Variants in RPN1 observed in about 807,000 individuals in gnomAD.
RPN1 encodes the protein dolichyl-diphosphooligosaccharide--protein glycosyltransferase subunit 1.
In RPN1, 12 loss-of-function variants were observed where a neutral mutation model predicts 55.5. The observed-to-expected ratio is 0.22, with a 90% CI of 0.14 to 0.35. The LOEUF is 0.35. RPN1 is among the 10% of genes least tolerant of loss of function. The pLI, the probability that RPN1 is intolerant of heterozygous loss-of-function variation, is 1.00. For missense variants in RPN1, 679 were observed against 761.3 expected, an observed-to-expected ratio of 0.89 and a Z score of 1.27; for synonymous variants, 317 against 305.9, an observed-to-expected ratio of 1.04 and a Z score of -0.38.
chr3:128,635,648 T>TATATATATATATATAG (rs2069674422), intron 3 of RPN1, among the ~76,000 whole-genome samples: 1 of 77,790 alleles, frequency 1.3e-5, no homozygotes, highest in Non-Finnish European at 2.7e-5. Context: ...TAGATATATA[T>TATATATATATATATAG]ATATATATAT....
chr3:128,649,367 G>A (rs375288224), intron 1 of RPN1, among the ~76,000 whole-genome samples: 6 of 152,158 alleles, frequency 3.9e-5, no homozygotes, highest in South Asian at 2.1e-4. Context: ...TATAAAGAAC[G>A]GGATTTAACA....
chr3:128,650,285 G>A lies in RPN1; in HGVS notation c.261+255C>T, dbSNP rs1267692046. On this transcript the variant is annotated intron_variant, in intron 1 of 9. Transcript: ENST00000296255. ...TGCCCACGTGAGCAGCGACCCGCGCGGGGGCAGGCCGGTGCTGACGTGGCC... is the reference window on the plus strand; with the variant it reads ...TGCCCACGTGAGCAGCGACCCGCGCAGGGGCAGGCCGGTGCTGACGTGGCC... Among the ~76,000 whole-genome samples, 12 of 152,282 alleles carry A rather than the reference G, an allele frequency of 7.9e-5. No individual in the cohort carries two copies. In the East Asian group the frequency reaches 2.3e-3, roughly 29 times the overall value.
intron 3 of RPN1, among the ~76,000 whole-genome samples, chr3:128,636,804 C>T (rs2069685124): frequency 6.6e-6 from 1 of 152,174 alleles, no homozygotes; most frequent in African/African-American, 2.4e-5. Context: ...CCATATTGGC[C>T]TCCCAAAGTG....
rs766475655 is a variant in RPN1, at chr3:128,622,336, A to G, written c.1469T>C (p.Ile490Thr). The G allele has an allele frequency of 6.2e-7, 1 of 1,614,206 alleles. No individual in the cohort carries two copies. The highest frequency in any genetic ancestry group is 2.2e-5 in the East Asian group (1 of 44,880). Reference protein sequence around the residue: ...EQVLTLVNKRIGLYRHFDETV... With the variant: ...EQVLTLVNKRTGLYRHFDETV... Reference sequence around the variant, plus strand: ...CTCGTCAAAGTGACGGTAAAGGCCTATTCTCTTGTTGACCAGGGTCAAGAC... The same window carrying G: ...CTCGTCAAAGTGACGGTAAAGGCCTGTTCTCTTGTTGACCAGGGTCAAGAC... Residue 490 changes from isoleucine (I) to threonine (T), a missense_variant, in exon 9 of 10, where the codon ATA becomes ACA. Physicochemically the swap from Ile to Thr is moderately conservative, Grantham distance 89. Around this residue, in one of 3 missense-constraint regions of RPN1, gnomAD observed 306 missense variants for 360.0 expected, o/e 0.85. Coordinates refer to ENST00000296255, the MANE Select transcript of RPN1 (RefSeq NM_002950.4).
Position 128,623,872 on chromosome 3 carries a change from T to C in RPN1, c.1396-1463A>G, listed in dbSNP as rs571917400. ...CATTACATTTCCTGAATTTGATCAT[T>C]GTATTATGATTATGTAAGAGAATAC... On this transcript the variant is annotated intron_variant, in intron 8 of 9. Transcript: ENST00000296255. 7.9e-5 allele frequency among the ~76,000 whole-genome samples: 12 copies of C among 152,262 alleles called. No homozygotes were observed. The South Asian group carries it at 1.9e-3, about 24-fold the overall frequency.
intron 1 of RPN1, among the ~76,000 whole-genome samples, chr3:128,649,895 C>T (rs376433929): frequency 6.6e-6 from 1 of 152,158 alleles, no homozygotes; most frequent in Non-Finnish European, 1.5e-5. Flanking sequence ...ATTTAGAAAG[C>T]GTTCACTAGG....
In RPN1 at chr3:128,644,930, A is replaced by T; in HGVS notation, c.315T>A (p.Ile105=). ...ENNLEVRETK[I]KGKSGRFFTV... is the part of the protein sequence containing the mutation. ...GTTTGTCAGCTTACCTTTTACCCTT[A>T]ATTTTGGTTTCACGTACTTCCAAAT... Residue 105 remains isoleucine (I), a synonymous_variant, in exon 2 of 10, where the codon ATT becomes ATA. Transcript: ENST00000296255. The T allele has an allele frequency of 6.5e-7, 1 of 1,549,472 alleles. No individual in the cohort carries two copies. The highest frequency in any genetic ancestry group is 8.9e-7 in the Non-Finnish European group (1 of 1,121,160).
chr3:128,645,536 C>G lies in RPN1; in HGVS notation c.262-553G>C, dbSNP rs77942069. 1.8e-4 allele frequency among the ~76,000 whole-genome samples: 27 copies of G among 151,978 alleles called. No homozygotes were observed. In the East Asian group the frequency reaches 4.8e-3, roughly 27 times the overall value. ...ATTTTCCTGAATGATGAAATACACA[C>G]AGCTGGGTGTGGTAGCTCACACCTG... On this transcript the variant is annotated intron_variant, in intron 1 of 9. Transcript: ENST00000296255.
chr3:128,633,190 A>T (rs1290540247), intron 3 of RPN1, among the ~76,000 whole-genome samples: 1 of 151,980 alleles, frequency 6.6e-6, no homozygotes, highest in African/African-American at 2.4e-5. Context: ...TTGAAAAACT[A>T]CTTGGCAAAA....
Position 128,641,584 on chromosome 3 carries a change from T to TTA in RPN1, c.326+3333_326+3334dup, listed in dbSNP as rs926015575. Among the ~76,000 whole-genome samples, 33 of 151,746 alleles carry TTA rather than the reference T, an allele frequency of 2.2e-4. 1 individual carries two copies. Among genetic ancestry groups the TTA allele is most frequent in the African/African-American group, 6.8e-4 (28 of 41,412 alleles). ...AGTGCTTACTAAGGCTCCAAGTACA[T>TTA]TATATATATATTGATTTAGTGAATC... is the stretch of plus-strand genomic sequence containing the variant. On this transcript the variant is annotated intron_variant, in intron 2 of 9. Transcript: ENST00000296255.
intron 3 of RPN1, among the ~76,000 whole-genome samples, chr3:128,634,018 C>T (rs905795560): frequency 1.3e-4 from 19 of 151,424 alleles, no homozygotes; most frequent in Admixed American, 1.1e-3. Flanking sequence ...ACAAAAACAA[C>T]AAAACAAAAA....
chr3:128,625,690 T>C (rs750291452), intron 7 of RPN1, 37 bp from the exon 8 acceptor site: 4 of 1,613,014 alleles, frequency 2.5e-6, no homozygotes, highest in Non-Finnish European at 3.4e-6. Context: ...ATCGGGGCTG[T>C]AGGGACATGG....
chr3:128,621,566 G>A (rs1322307004), intron 9 of RPN1, among the ~76,000 whole-genome samples: 1 of 152,228 alleles, frequency 6.6e-6, no homozygotes, highest in Admixed American at 6.5e-5. Flanking sequence ...GAATGCCAGG[G>A]AGTGGACAGG....
At chr3:128,639,280 A>C (rs2069706830) in intron 2 of RPN1, among the ~76,000 whole-genome samples, 1 of 151,750 alleles carries the variant, frequency 6.6e-6, no homozygotes, top group African/African-American at 2.4e-5. Flanking sequence ...GTGAAAGCCC[A>C]TCTCTACTAA....
At chr3:128,623,860 G>A (rs940943932) in intron 8 of RPN1, among the ~76,000 whole-genome samples, 1 of 152,124 alleles carries the variant, frequency 6.6e-6, no homozygotes, top group Admixed American at 6.6e-5. Flanking sequence ...TACATTTCCT[G>A]AATTTGATCA....
rs1162489418 is a variant in RPN1 at position 128,635,640 on chromosome 3, G to GATAT, written c.633+2155_633+2158dup. The stretch of plus-strand genomic sequence containing the variant: ...ATATATATATATATATATATATATA[G>GATAT]ATATATATATATATATATATATATA... On this transcript the variant is annotated intron_variant, in intron 3 of 9. Coordinates refer to ENST00000296255, the MANE Select transcript of RPN1 (RefSeq NM_002950.4). Among the ~76,000 whole-genome samples, 5 of 114,080 alleles carry GATAT rather than the reference G, an allele frequency of 4.4e-5. No homozygotes were observed. In the Admixed American group the frequency reaches 4.7e-4, roughly 11 times the overall value. 74.8% of individuals were successfully genotyped at this position (114,080 alleles called of 152,430 possible).
chr3:128,641,884 T>C (rs776957055), intron 2 of RPN1, among the ~76,000 whole-genome samples: 5 of 152,040 alleles, frequency 3.3e-5, no homozygotes, highest in Non-Finnish European at 7.4e-5. Flanking sequence ...GTGCTGGGAT[T>C]ACAGGCGTGA....
At chr3:128,625,675 G>A (rs768595719) in intron 7 of RPN1, 22 bp from the exon 8 acceptor site, 5 of 1,613,578 alleles carry the variant, frequency 3.1e-6, no homozygotes, top group Admixed American at 1.7e-5. Context: ...AAGAGGACAG[G>A]CTTCATCGGG....
intron 4 of RPN1, among the ~76,000 whole-genome samples, chr3:128,631,146 C>A (rs1397429318): frequency 1.3e-5 from 2 of 149,290 alleles, no homozygotes; most frequent in Non-Finnish European, 3.0e-5. Context: ...TTAGGCTGGG[C>A]ATGGTGGCTC....
Sources: gnomAD v4.1 joint callset for allele counts (sites outside exome capture counted in the v4.1 genomes callset) on GRCh38, gnomAD v4.1.1 for gene constraint, gnomAD v4.1.1 regional missense constraint, MANE v1.5 for transcripts, NCBI Gene and HGNC (gene_info 2026-07-23, HGNC 2026-07-21) for gene names.